The following UCHL5 variants were observed in gnomAD, a reference collection of about 807,000 sequenced individuals.
UCHL5 encodes the protein ubiquitin carboxyl-terminal hydrolase isozyme L5.
A neutral mutation model predicts 53.8 loss-of-function variants in UCHL5; 34 were observed. That is an observed-to-expected ratio of 0.63 (90% CI 0.48 to 0.84). The LOEUF (loss-of-function observed/expected upper bound fraction) is 0.84. Among genes scored for constraint, UCHL5 ranks in the 40% least tolerant of loss-of-function variants. UCHL5 has a pLI of 0.00. For synonymous variants in UCHL5, 111 were observed against 126.3 expected (o/e 0.88, Z 0.81); for missense variants, 290 against 385.6 (o/e 0.75, Z 2.08).
intron 3 of UCHL5, among the ~76,000 whole-genome samples, chr1:193,048,690 A>G (rs1668087468): frequency 2.0e-5 from 3 of 152,240 alleles, no homozygotes; most frequent in Admixed American, 1.3e-4. Flanking sequence ...AAACGAAAAC[A>G]TTGCAACAGA....
intron 3 of UCHL5, among the ~76,000 whole-genome samples, chr1:193,033,067 A>T (rs559768326): frequency 7.2e-5 from 11 of 152,314 alleles, no homozygotes; most frequent in African/African-American, 2.6e-4. Flanking sequence ...ACTATAAAGA[A>T]ACATGCACAT....
intron 3 of UCHL5, among the ~76,000 whole-genome samples, chr1:193,041,625 G>C (rs1665598471): frequency 6.6e-6 from 1 of 152,022 alleles, no homozygotes; most frequent in Non-Finnish European, 1.5e-5. Context: ...TCTACTTCTA[G>C]GTATACACCA....
Position 193,059,216 on chromosome 1 carries a change from G to C in UCHL5, c.45C>G (p.Pro15=). 1 of 1,613,934 alleles carries C rather than the reference G, an allele frequency of 6.2e-7. No homozygotes were observed. Among genetic ancestry groups the C allele is most frequent in the Admixed American group, 1.7e-5 (1 of 60,004 alleles). ...CTTTAATGAGCTCGGTGAAGACCCC[G>C]GGGTCGCTTTCCATGAGGCACCACT... ...AGEWCLMESD[P]GVFTELIKGF... The change falls in exon 1 of 11, where the codon CCC becomes CCG. Residue 15 remains proline, a synonymous_variant. Coordinates refer to ENST00000367454, the MANE Select transcript of UCHL5 (RefSeq NM_001199261.3). This position sits in a 1 kb window ranked among gnomAD's most constrained non-coding sequence, Gnocchi z 4.9.
intron 1 of UCHL5, among the ~76,000 whole-genome samples, chr1:193,058,940 G>C (rs572703606): frequency 6.6e-6 from 1 of 152,346 alleles, no homozygotes; most frequent in African/African-American, 2.4e-5. Flanking sequence ...AGGTCCTGAG[G>C]ATGCAGCAGG....
chr1:193,023,001 T>G lies in UCHL5; in HGVS notation c.768A>C (p.Leu256Phe). Residue 256 changes from leucine to phenylalanine, a missense_variant, in exon 9 of 11, where the codon TTA becomes TTC. Physicochemically the swap from Leu to Phe is conservative, Grantham distance 22 (BLOSUM62 0). Transcript: ENST00000367454. ...TGGCAACTTCTGACTGAATAGCACT[T>G]AACATACTATTACCTTGATCTGTAT... is the stretch of plus-strand genomic sequence containing the variant. ...PMDTDQGNSMLSAIQSEVAKN... is the reference protein window; with the variant it reads ...PMDTDQGNSMFSAIQSEVAKN... The G allele has an allele frequency of 5.0e-6, 8 of 1,613,378 alleles. No homozygotes were observed. Among genetic ancestry groups the G allele is most frequent in the Non-Finnish European group, 6.8e-6 (8 of 1,179,594 alleles).
rs1327826328 is a variant in UCHL5 at position 193,015,374 on chromosome 1, A to G, written c.*977T>C. Reference sequence around the variant, plus strand: ...AAGAAAGCTTTATAAAGTCTTCTTTAAAGTCTGACTTGCAAAGGAAGATTA... The same window carrying G: ...AAGAAAGCTTTATAAAGTCTTCTTTGAAGTCTGACTTGCAAAGGAAGATTA... On this transcript the variant is annotated 3_prime_UTR_variant, in exon 11 of 11. Transcript: ENST00000367454. The G allele has an allele frequency of 6.6e-6, 1 of 152,086 alleles. No homozygotes were observed. Among genetic ancestry groups the G allele is most frequent in the East Asian group, 1.9e-4 (1 of 5,206 alleles). 9.4% of individuals were successfully genotyped at this position (152,086 alleles called of 1,614,324 possible). A position where few individuals can be genotyped will look rare whatever the true frequency, so the allele number is the denominator to read the frequency against.
At chr1:193,059,477 G>C, upstream of UCHL5, 2 of 1,606,630 alleles carry the variant, frequency 1.2e-6, no homozygotes, top group South Asian at 1.1e-5. The surrounding 1 kb of genome is among the most constrained non-coding windows in gnomAD (Gnocchi z 4.9). Context: ...CTCTTCCCAG[G>C]CCTTGCAGCA....
At chr1:193,019,316 A>G (rs912488926) in intron 10 of UCHL5, among the ~76,000 whole-genome samples, 2 of 151,660 alleles carry the variant, frequency 1.3e-5, no homozygotes, top group African/African-American at 4.8e-5. Flanking sequence ...AGAGAAAATA[A>G]TATGTCTCAG....
chr1:193,052,793 C>T (rs957458967), intron 1 of UCHL5, among the ~76,000 whole-genome samples: 7 of 152,130 alleles, frequency 4.6e-5, no homozygotes, highest in African/African-American at 1.4e-4. Context: ...AAAAATCAAC[C>T]GTATTTACCA....
chr1:193,058,063 C>CGAA (rs1671255816), intron 1 of UCHL5, among the ~76,000 whole-genome samples: 1 of 149,574 alleles, frequency 6.7e-6, no homozygotes, highest in Admixed American at 6.6e-5. Context: ...CCTGTCTCTA[C>CGAA]TAAAAAAAAA....
At chr1:193,042,062 T>C (rs910783722) in intron 3 of UCHL5, among the ~76,000 whole-genome samples, 2 of 151,516 alleles carry the variant, frequency 1.3e-5, no homozygotes, top group African/African-American at 2.4e-5. Flanking sequence ...GCTGTGATCA[T>C]GCCACTGCAC....
At chr1:193,035,001 C>T (rs1023000828) in intron 3 of UCHL5, among the ~76,000 whole-genome samples, 2 of 151,714 alleles carry the variant, frequency 1.3e-5, no homozygotes, top group Non-Finnish European at 2.9e-5. Context: ...TTTTAAGTTG[C>T]AAGTGGTTTT....
rs1002602383 is a variant in UCHL5 at position 193,016,019 on chromosome 1, G to A, written c.*332C>T. The A allele has an allele frequency of 3.1e-5, 7 of 227,624 alleles. No homozygotes were observed. The East Asian group carries it at 6.8e-4, about 22-fold the overall frequency. The allele number at this position is 227,624 out of a possible 1,614,324, so 14.1% of individuals were successfully genotyped here. ...AAGATCTGACAATTGCAAATTTTAA[G>A]TATTTAAATTACAGATAAGGAATAT... On this transcript the variant is annotated 3_prime_UTR_variant, in exon 11 of 11. Coordinates refer to ENST00000367454, the MANE Select transcript of UCHL5 (RefSeq NM_001199261.3).
rs1015059901 is a variant in UCHL5, at chr1:193,013,614, A to G, written c.*2737T>C. The G allele has an allele frequency of 5.3e-5, 8 of 152,302 alleles. No individual in the cohort carries two copies. Among genetic ancestry groups the G allele is most frequent in the African/African-American group, 1.7e-4 (7 of 41,574 alleles). 9.4% of individuals were successfully genotyped at this position (152,302 alleles called of 1,614,324 possible). ...ATTTTTACTTATCTGTTTTCTCTAA[A>G]TGGTTTTTGAGGAGAATACATTAAA... On this transcript the variant is annotated 3_prime_UTR_variant, in exon 11 of 11. Transcript: ENST00000367454.
intron 9 of UCHL5, among the ~76,000 whole-genome samples, chr1:193,022,664 CAA>C (rs1291548226): frequency 0.027 from 1,453 of 53,924 alleles, 8 homozygotes; most frequent in South Asian, 0.076. Flanking sequence ...AGACTCTGTC[CAA>C]AAAAAAAAAA....
Position 193,059,069 on chromosome 1 carries a change from G to T in UCHL5, c.76+116C>A. Reference sequence around the variant, plus strand: ...TACATTTCCCCCACCCGGACTCCAGGTTCCTGAAGTCACCTCTCCAGACGC... The same window carrying T: ...TACATTTCCCCCACCCGGACTCCAGTTTCCTGAAGTCACCTCTCCAGACGC... On this transcript the variant is annotated intron_variant, in intron 1 of 10. Transcript: ENST00000367454. The surrounding 1 kb of genome is among the most constrained non-coding windows in gnomAD (Gnocchi z 4.9). The T allele has an allele frequency of 1.8e-6, 2 of 1,087,112 alleles. No homozygotes were observed. Among genetic ancestry groups the T allele is most frequent in the Non-Finnish European group, 2.6e-6 (2 of 775,518 alleles). The allele number at this position is 1,087,112 out of a possible 1,614,324, so 67.3% of individuals were successfully genotyped here.
chr1:193,042,521 C>T (rs905861415), intron 3 of UCHL5, among the ~76,000 whole-genome samples: 6 of 152,148 alleles, frequency 3.9e-5, no homozygotes, highest in African/African-American at 1.2e-4. Flanking sequence ...CATCCTCCTC[C>T]GTCCTCACAT....
chr1:193,026,178 C>T (rs2102398100), intron 7 of UCHL5, among the ~76,000 whole-genome samples: 1 of 148,450 alleles, frequency 6.7e-6, no homozygotes, highest in South Asian at 2.1e-4. Context: ...ACATGTAAAA[C>T]ATTAAACTAT....
chr1:193,021,598 G>C (rs1207776228), intron 9 of UCHL5, among the ~76,000 whole-genome samples: 1 of 152,010 alleles, frequency 6.6e-6, no homozygotes, highest in Admixed American at 6.6e-5. Context: ...ATTTTTTATC[G>C]AAAGGGGGTA....
Sources: gnomAD v4.1 joint callset for allele counts (sites outside exome capture counted in the v4.1 genomes callset) on GRCh38, gnomAD v4.1.1 for gene constraint, Gnocchi (gnomAD v3.1) non-coding constraint, MANE v1.5 for transcripts, NCBI Gene and HGNC (gene_info 2026-07-23, HGNC 2026-07-21) for gene names.